Variants in MAP4 observed in about 807,000 individuals in gnomAD.
MAP4 encodes microtubule associated protein 4, also known as microtubule-associated protein 4.
MAP4 carries 76 observed loss-of-function variants against 170.2 expected under a neutral mutation model. That is an observed-to-expected ratio of 0.45 (90% CI 0.37 to 0.54). The LOEUF (loss-of-function observed/expected upper bound fraction) is 0.54, where lower values mean the gene tolerates loss of function less well. Among genes scored for constraint, MAP4 ranks in the 20% least tolerant of loss-of-function variants. The pLI is 0.00. For synonymous variants in MAP4, 909 were observed against 994.5 expected (o/e 0.91, Z 1.62); for missense variants, 2,506 against 2,748.0 (o/e 0.91, Z 1.97).
intron 5 of MAP4, 38 bp downstream of exon 5, chr3:47,921,727 C>T (rs1185911959): frequency 1.5e-6 from 2 of 1,291,674 alleles, no homozygotes; most frequent in Admixed American, 1.8e-5. Context: ...AAATTTTTTT[C>T]CTTCCCTACA....
At chr3:48,011,552 C>CA (rs763200781) in intron 1 of MAP4, among the ~76,000 whole-genome samples, 1,355 of 109,058 alleles carry the variant, frequency 0.012, 19 homozygotes, top group Admixed American at 0.039. Context: ...GACTCCGTCT[C>CA]AAAAAAAAAA....
chr3:48,026,327 T>C (rs1344927086), intron 1 of MAP4, among the ~76,000 whole-genome samples: 1 of 152,200 alleles, frequency 6.6e-6, no homozygotes, highest in Non-Finnish European at 1.5e-5. Flanking sequence ...TAAACGCTCA[T>C]ATTTATTACA....
At chr3:48,087,905 C>T (rs2100150162) in intron 1 of MAP4, among the ~76,000 whole-genome samples, 1 of 152,142 alleles carries the variant, frequency 6.6e-6, no homozygotes, top group African/African-American at 2.4e-5. Flanking sequence ...CTGGGTAACA[C>T]TAACCTTCGC....
intron 3 of MAP4, among the ~76,000 whole-genome samples, chr3:47,933,091 G>A (rs924138908): frequency 4.6e-5 from 7 of 151,836 alleles, no homozygotes; most frequent in Admixed American, 3.3e-4. Flanking sequence ...TTTTTGTAGA[G>A]AAGAATCTCA....
chr3:47,861,181 TA>T (rs1359398314), intron 17 of MAP4, among the ~76,000 whole-genome samples: 1 of 151,988 alleles, frequency 6.6e-6, no homozygotes, highest in Non-Finnish European at 1.5e-5. Flanking sequence ...ACCAATATGG[TA>T]AAACCCCATC....
intron 3 of MAP4, among the ~76,000 whole-genome samples, chr3:47,959,375 G>A (rs747354270): frequency 4.0e-5 from 6 of 151,888 alleles, no homozygotes; most frequent in Non-Finnish European, 7.4e-5. Flanking sequence ...CAGGAGAATC[G>A]CTTGAATCTG....
At chr3:48,077,259 A>G (rs2100144400) in intron 1 of MAP4, among the ~76,000 whole-genome samples, 1 of 151,992 alleles carries the variant, frequency 6.6e-6, no homozygotes, top group Non-Finnish European at 1.5e-5. Flanking sequence ...CCTCACCAAC[A>G]TGGAGAAACC....
At chr3:48,025,492 C>T (rs2100112575) in intron 1 of MAP4, among the ~76,000 whole-genome samples, 1 of 151,688 alleles carries the variant, frequency 6.6e-6, no homozygotes, top group African/African-American at 2.4e-5. Flanking sequence ...TTTCACCACA[C>T]CGGGCAGGCT....
rs746999860 is a variant in MAP4 at position 47,893,759 on chromosome 3, C to CTT, written c.5434+9189_5434+9190dup. Among the ~76,000 whole-genome samples, 13 of 134,382 alleles carry CTT rather than the reference C, an allele frequency of 9.7e-5. No homozygotes were observed. The East Asian group carries it at 1.5e-3, about 15-fold the overall frequency. The allele number at this position is 134,382 out of a possible 152,430, so 88.2% of individuals were successfully genotyped here. A position where few individuals can be genotyped will look rare whatever the true frequency, so the allele number is the denominator to read the frequency against. On this transcript the variant is annotated intron_variant, in intron 10 of 20. Transcript: ENST00000683076. ...CAAGATGAAGAAAAGATTTAGATTG[C>CTT]TTTTTTTTTTTTTTTAAAAAAAGGC...
At chr3:48,042,824 G>A (rs2100122362) in intron 1 of MAP4, among the ~76,000 whole-genome samples, 2 of 152,148 alleles carry the variant, frequency 1.3e-5, no homozygotes, top group Admixed American at 1.3e-4. Context: ...AGCCATAAAA[G>A]GGAATAAAGT....
intron 3 of MAP4, chr3:47,975,014 T>C (rs2100081141): frequency 3.0e-6 from 3 of 992,050 alleles, no homozygotes; most frequent in Non-Finnish European, 3.6e-6. Flanking sequence ...AACCCCTTTA[T>C]GAAAACACAT....
In MAP4 at chr3:47,987,517, C is replaced by G. The variant is rs925944267; in HGVS notation, c.224-9584G>C. On this transcript the variant is annotated intron_variant, in intron 2 of 20. Transcript: ENST00000683076. Reference sequence around the variant, plus strand: ...ATCTTAAAGGATTTTAGAACAACAACTCTAGCAAAAGCTTTATATAACATC... The same window carrying G: ...ATCTTAAAGGATTTTAGAACAACAAGTCTAGCAAAAGCTTTATATAACATC... The G allele has an allele frequency of 6.6e-6, 6 of 910,944 alleles. No individual in the cohort carries two copies. The Admixed American group carries it at 1.7e-4, about 26-fold the overall frequency. The allele number at this position is 910,944 out of a possible 1,614,324, so 56.4% of individuals were successfully genotyped here. A position where few individuals can be genotyped will look rare whatever the true frequency, so the allele number is the denominator to read the frequency against.
intron 1 of MAP4, among the ~76,000 whole-genome samples, chr3:48,086,816 A>G (rs1442834553): frequency 6.6e-6 from 1 of 152,180 alleles, no homozygotes; most frequent in Non-Finnish European, 1.5e-5. Context: ...TACTTCCAAC[A>G]TGCATTAACT....
In MAP4 at chr3:47,948,207, A is replaced by C. The variant is rs115338593; in HGVS notation, c.293-19857T>G. On this transcript the variant is annotated intron_variant, in intron 3 of 20. Coordinates refer to ENST00000683076, the MANE Select transcript of MAP4 (RefSeq NM_001385682.1). ...AGAGATGGGATTTCGCCATGTTGGG[A>C]AGGCTGGTTGACCTATTCTTTTTTT... Among the ~76,000 whole-genome samples the C allele has an allele frequency of 3.9e-3, 587 of 149,992 alleles. 5 individuals are homozygous for C. The highest frequency in any genetic ancestry group is 0.014 in the African/African-American group (562 of 40,750).
At chr3:48,044,998 TGA>T (rs2100123669) in intron 1 of MAP4, among the ~76,000 whole-genome samples, 1 of 151,532 alleles carries the variant, frequency 6.6e-6, no homozygotes, top group Admixed American at 6.6e-5. Context: ...GTCTCACACC[TGA>T]GATCCCAGCA....
At chr3:47,978,023 C>A in intron 2 of MAP4, 90 bp from the exon 3 acceptor site, 1 of 832,266 alleles carries the variant, frequency 1.2e-6, no homozygotes, top group Non-Finnish European at 2.1e-6. Context: ...GTTTTTCTCA[C>A]TCTTTGTAGC....
At chr3:47,862,740 T>G (rs559910727) in intron 17 of MAP4, among the ~76,000 whole-genome samples, 7 of 152,154 alleles carry the variant, frequency 4.6e-5, no homozygotes, top group Admixed American at 3.9e-4. Flanking sequence ...GCCTCCCAAA[T>G]TGCTGGGATT....
At chr3:47,884,005 T>C (rs2097189485) in intron 10 of MAP4, among the ~76,000 whole-genome samples, 1 of 152,268 alleles carries the variant, frequency 6.6e-6, no homozygotes, top group South Asian at 2.1e-4. Flanking sequence ...ATTTGTTCAG[T>C]TGCTTGAATC....
chr3:48,060,332 A>G (rs2100134517), intron 1 of MAP4, among the ~76,000 whole-genome samples: 1 of 152,164 alleles, frequency 6.6e-6, no homozygotes, highest in South Asian at 2.1e-4. Flanking sequence ...GGAAGATTAA[A>G]AGATTGATGG....
Sources: allele counts gnomAD v4.1 joint callset (sites outside exome capture counted in the v4.1 genomes callset), GRCh38; gene constraint gnomAD v4.1.1; transcripts MANE v1.5; gene names NCBI Gene and HGNC (gene_info 2026-07-23, HGNC 2026-07-21).